The following TRIM66 variants were observed in gnomAD, a reference collection of about 807,000 sequenced individuals.
The protein encoded by TRIM66 is tripartite motif containing 66, also known as tripartite motif-containing protein 66.
Under a neutral mutation model 148.2 loss-of-function variants are expected in TRIM66, and 99 were observed. The observed-to-expected ratio is 0.67, with a 90% CI of 0.57 to 0.79. The LOEUF (loss-of-function observed/expected upper bound fraction) is 0.79, where lower values mean the gene tolerates loss of function less well. Ranked by LOEUF, TRIM66 falls within the 30% of genes least tolerant of loss-of-function variation. The pLI is 0.00. For synonymous variants in TRIM66, 616 were observed against 635.9 expected, an observed-to-expected ratio of 0.97 and a Z score of 0.47; for missense variants, 1,666 against 1,697.9, an observed-to-expected ratio of 0.98 and a Z score of 0.33.
chr11:8,620,422 T>G, intron 21 of TRIM66, 24 bp downstream of exon 21: 1 of 1,551,192 alleles, frequency 6.4e-7, no homozygotes, highest in Non-Finnish European at 8.7e-7. Flanking sequence ...GCAGGGAACC[T>G]TGTTTCCAAA....
chr11:8,655,689 G>A (rs1226076731), intron 6 of TRIM66, among the ~76,000 whole-genome samples: 1 of 152,154 alleles, frequency 6.6e-6, no homozygotes, highest in Non-Finnish European at 1.5e-5. Flanking sequence ...GGCCAAGGCA[G>A]GAGAATTGCT....
intron 9 of TRIM66, 70 bp from the exon 10 acceptor site, chr11:8,648,156 A>G (rs1416175576): frequency 1.6e-5 from 22 of 1,349,526 alleles, no homozygotes; most frequent in Non-Finnish European, 2.1e-5. Flanking sequence ...CCAAGCGGGA[A>G]TCTCCACAGG....
upstream of TRIM66, chr11:8,683,097 G>A (rs906337798): frequency 2.6e-5 from 32 of 1,240,944 alleles, no homozygotes; most frequent in Middle Eastern, 3.8e-4. Context: ...AAACGCTCCA[G>A]AAGTTAGGTC....
At chr11:8,652,017 G>A in intron 6 of TRIM66, 114 bp from the exon 7 acceptor site, 1 of 797,436 alleles carries the variant, frequency 1.3e-6, no homozygotes, top group Non-Finnish European at 2.0e-6. Context: ...ACCCATGTGT[G>A]CCAAAATGAA....
rs749670497 is a variant in TRIM66, at chr11:8,672,324, C to T, written c.-50G>A. Reference sequence around the variant, plus strand: ...GAGGTGTCTGCTGTTTGTCTGAAGGCGAACAAACCCTTCAAAAGTGTCCCG... The same window carrying T: ...GAGGTGTCTGCTGTTTGTCTGAAGGTGAACAAACCCTTCAAAAGTGTCCCG... On this transcript the variant is annotated 5_prime_UTR_variant, in exon 5 of 25. Transcript: ENST00000646038. 14 of 1,535,908 alleles carry T rather than the reference C, an allele frequency of 9.1e-6. No homozygotes were observed. Among genetic ancestry groups the T allele is most frequent in the South Asian group, 4.8e-5 (4 of 84,048 alleles).
Position 8,640,564 on chromosome 11 carries a change from G to C in TRIM66, c.1811C>G (p.Pro604Arg), listed in dbSNP as rs1475727521. 1 of 1,548,542 alleles carries C rather than the reference G, an allele frequency of 6.5e-7. No individual in the cohort carries two copies. ...GGGATGGGGGAGGGGTGGTGGTGGA[G>C]GTGGTAGCTGCTGCTGTGGCTGCTG... is the stretch of plus-strand genomic sequence containing the variant. Reference protein sequence around the residue: ...FQQQPQQQLPPPPPPLPHPPP... With the variant: ...FQQQPQQQLPRPPPPLPHPPP... The change falls in exon 14 of 25, where the codon CCT becomes CGT. Residue 604 changes from proline (P) to arginine (R), a missense_variant. Coordinates refer to ENST00000646038, the MANE Select transcript of TRIM66 (RefSeq NM_001388022.1).
In TRIM66 at chr11:8,641,020, GA is replaced by G. The variant is rs2036344016; in HGVS notation, c.1354del (p.Ser452HisfsTer100). The part of the protein sequence containing the change: ...VAQQEALSHP[S>X]HKFQSPAVCS... ...CACTGCTGGAGACTGGAACTTGTGTGAGGGGTGGCTAAGAGCCTCTTGCTGA... is the reference window on the plus strand; with the variant it reads ...CACTGCTGGAGACTGGAACTTGTGTGGGGGTGGCTAAGAGCCTCTTGCTGA... On this transcript the variant is annotated frameshift_variant, in exon 14 of 25. Coordinates refer to ENST00000646038, the MANE Select transcript of TRIM66 (RefSeq NM_001388022.1). LOFTEE classifies it high-confidence loss of function. 1.3e-6 allele frequency: 2 copies of G among 1,551,664 alleles called. No individual in the cohort carries two copies. Among genetic ancestry groups the G allele is most frequent in the African/African-American group, 1.4e-5 (1 of 73,166 alleles).
chr11:8,641,243 A>C, intron 13 of TRIM66, 91 bp from the exon 14 acceptor site: 1 of 1,154,114 alleles, frequency 8.7e-7, no homozygotes, highest in Non-Finnish European at 1.2e-6. Flanking sequence ...AACCTCATTC[A>C]ACAATCCTGT....
chr11:8,661,438 C>T (rs911993267), intron 6 of TRIM66, among the ~76,000 whole-genome samples: 1 of 152,228 alleles, frequency 6.6e-6, no homozygotes, highest in Admixed American at 6.5e-5. Flanking sequence ...CGAGGTAGCA[C>T]CTCTGTCTCT....
At chr11:8,677,048 T>C (rs182002458) in intron 3 of TRIM66, among the ~76,000 whole-genome samples, 3 of 152,312 alleles carry the variant, frequency 2.0e-5, no homozygotes, top group Admixed American at 6.5e-5. Context: ...AAGGAAAATA[T>C]TTACTGGAGT....
chr11:8,646,571 C>A lies in TRIM66; in HGVS notation c.843-10G>T, dbSNP rs534635046. 6.5e-7 allele frequency: 1 copy of A among 1,544,680 alleles called. No individual in the cohort carries two copies. The highest frequency in any genetic ancestry group is 8.8e-7 in the Non-Finnish European group (1 of 1,140,544). On this transcript the variant is annotated splice_polypyrimidine_tract_variant and intron_variant, in intron 10 of 24. Transcript: ENST00000646038. ...CTTCACTTCAAAAATCCTGTAAACACAATGGGACAAACCATGGTAAGCTTT... is the reference window on the plus strand; with the variant it reads ...CTTCACTTCAAAAATCCTGTAAACAAAATGGGACAAACCATGGTAAGCTTT...
At chr11:8,644,300 C>A (rs1189485083) in intron 12 of TRIM66, 1 of 375,370 alleles carries the variant, frequency 2.7e-6, no homozygotes, top group South Asian at 2.1e-5. Flanking sequence ...TGAATTTCAG[C>A]AGCACCCCTC....
chr11:8,660,314 G>T (rs1032383489), intron 6 of TRIM66, among the ~76,000 whole-genome samples: 1 of 152,056 alleles, frequency 6.6e-6, no homozygotes, highest in African/African-American at 2.4e-5. Flanking sequence ...CCTCCCCTGC[G>T]TGTGCCTCAT....
chr11:8,621,587 A>G, intron 19 of TRIM66, 58 bp downstream of exon 19: 2 of 1,459,052 alleles, frequency 1.4e-6, no homozygotes, highest in Non-Finnish European at 1.8e-6. Context: ...GCAGTAGCAG[A>G]AAGAATAAGC....
rs552894745 is a variant in TRIM66, at chr11:8,621,364, A to T, written c.3256-43T>A. 5.6e-5 allele frequency: 86 copies of T among 1,523,868 alleles called. No homozygotes were observed. In the African/African-American group the frequency reaches 1.1e-3, roughly 19 times the overall value. 94.4% of individuals were successfully genotyped at this position (1,523,868 alleles called of 1,614,324 possible). On this transcript the variant is annotated intron_variant, in intron 19 of 24. Coordinates refer to ENST00000646038, the MANE Select transcript of TRIM66 (RefSeq NM_001388022.1). ...TCTGGGCAGCCAGAGCACAGAACCAACAAGCTCTCGAGGGAGGGGAGGGAG... is the reference window on the plus strand; with the variant it reads ...TCTGGGCAGCCAGAGCACAGAACCATCAAGCTCTCGAGGGAGGGGAGGGAG...
chr11:8,618,153 C>A, intron 24 of TRIM66, 150 bp from the exon 25 acceptor site: 1 of 813,574 alleles, frequency 1.2e-6, no homozygotes, highest in Non-Finnish European at 2.0e-6. Flanking sequence ...AGCCACTAAA[C>A]ATTGTATGCT....
At chr11:8,665,600 G>T (rs1261965857) in intron 6 of TRIM66, among the ~76,000 whole-genome samples, 1 of 152,156 alleles carries the variant, frequency 6.6e-6, no homozygotes, top group Non-Finnish European at 1.5e-5. Flanking sequence ...ATCCATGGGG[G>T]AGAGACAGAC....
At chr11:8,678,558 T>C (rs1302555335) in intron 3 of TRIM66, among the ~76,000 whole-genome samples, 3 of 152,258 alleles carry the variant, frequency 2.0e-5, no homozygotes, top group African/African-American at 7.2e-5. Context: ...TTTTCTTTAC[T>C]GTTGTACTGT....
chr11:8,651,745 GGGCCTCACAGAT>G (rs2037379860), intron 7 of TRIM66, 43 bp downstream of exon 7: 1 of 1,349,166 alleles, frequency 7.4e-7, no homozygotes, highest in South Asian at 1.2e-5. Flanking sequence ...TTATGGACAG[GGGCCTCACAGAT>G]TTCTGAAAAA....
Sources: allele counts gnomAD v4.1 joint callset (sites outside exome capture counted in the v4.1 genomes callset), GRCh38; gene constraint gnomAD v4.1.1; transcripts MANE v1.5; gene names NCBI Gene and HGNC (gene_info 2026-07-23, HGNC 2026-07-21).